The following IQSEC1 variants were observed in gnomAD, a reference collection of about 807,000 sequenced individuals.
IQSEC1 encodes IQ motif and Sec7 domain ArfGEF 1.
IQSEC1 carries 31 observed loss-of-function variants against 91.0 expected under a neutral mutation model. The observed-to-expected ratio is 0.34, with a 90% CI of 0.26 to 0.46. IQSEC1 has a LOEUF of 0.46. Among genes scored for constraint, IQSEC1 ranks in the 20% least tolerant of loss-of-function variants. IQSEC1 has a pLI of 1.00. For synonymous variants in IQSEC1, 699 were observed against 662.6 expected (o/e 1.05, Z -0.84); for missense variants, 1,388 against 1,575.6 (o/e 0.88, Z 2.02).
At chr3:12,971,079 G>C (rs1251528123) in intron 1 of IQSEC1, among the ~76,000 whole-genome samples, 2 of 152,220 alleles carry the variant, frequency 1.3e-5, no homozygotes, top group Non-Finnish European at 2.9e-5. Context: ...TCCATGCTAT[G>C]ATGATGAAGT....
chr3:12,900,790 A>G lies in IQSEC1; in HGVS notation c.*193T>C, dbSNP rs1273339836. The G allele has an allele frequency of 6.9e-7, 1 of 1,448,856 alleles. No homozygotes were observed. Among genetic ancestry groups the G allele is most frequent in the Non-Finnish European group, 9.0e-7 (1 of 1,105,870 alleles). The allele number at this position is 1,448,856 out of a possible 1,614,324, so 89.8% of individuals were successfully genotyped here. A position where few individuals can be genotyped will look rare whatever the true frequency, so the allele number is the denominator to read the frequency against. On this transcript the variant is annotated 3_prime_UTR_variant, in exon 14 of 14. Coordinates refer to ENST00000613206, the MANE Select transcript of IQSEC1 (RefSeq NM_001134382.3). The stretch of plus-strand genomic sequence containing the variant: ...GAGCAGAGCCCAGGGTGCCAACAAG[A>G]AATGAAATCTGGGCCTTTGTTCCAC...
chr3:13,278,814 C>G (rs529439884), intron 1 of IQSEC1, among the ~76,000 whole-genome samples: 1 of 139,936 alleles, frequency 7.1e-6, no homozygotes. Context: ...AGCAAGACTC[C>G]GTCTTGGTGA....
At chr3:13,164,623 A>G (rs1350062080) in intron 1 of IQSEC1, among the ~76,000 whole-genome samples, 1 of 152,230 alleles carries the variant, frequency 6.6e-6, no homozygotes, top group East Asian at 1.9e-4. Context: ...TCAGAAATCA[A>G]TTACAACCAT....
chr3:12,961,418 G>A (rs1053836504), intron 1 of IQSEC1, among the ~76,000 whole-genome samples: 7 of 152,218 alleles, frequency 4.6e-5, no homozygotes, highest in African/African-American at 1.4e-4. Context: ...CAGGCAAAGC[G>A]ATTTTCTTAA....
intron 2 of IQSEC1, among the ~76,000 whole-genome samples, chr3:13,079,114 A>G (rs1316361827): frequency 1.3e-5 from 2 of 152,204 alleles, no homozygotes; most frequent in Non-Finnish European, 2.9e-5. Flanking sequence ...GGTGCCAGAC[A>G]GGATAGGTGC....
At chr3:13,176,556 C>G (rs902476565) in intron 1 of IQSEC1, among the ~76,000 whole-genome samples, 13 of 152,206 alleles carry the variant, frequency 8.5e-5, no homozygotes, top group Non-Finnish European at 1.3e-4. Context: ...TCAGTTCCCC[C>G]TCCTGAAGCA....
chr3:13,100,837 G>T (rs750664828), intron 2 of IQSEC1, among the ~76,000 whole-genome samples: 3 of 148,954 alleles, frequency 2.0e-5, no homozygotes, highest in Non-Finnish European at 3.0e-5. Context: ...GGACCGACAG[G>T]AAACCCATAA....
rs191228370 is a variant in IQSEC1 at position 13,008,121 on chromosome 3, C to T, written c.23+64871G>A. Among the ~76,000 whole-genome samples the T allele has an allele frequency of 5.0e-3, 757 of 152,294 alleles. 6 individuals carry two copies. Among genetic ancestry groups the T allele is most frequent in the African/African-American group, 0.018 (735 of 41,558 alleles). On this transcript the variant is annotated intron_variant, in intron 1 of 13. Transcript: ENST00000613206. The surrounding 1 kb of genome is among the most constrained non-coding windows in gnomAD (Gnocchi z 4.1). The stretch of plus-strand genomic sequence containing the variant: ...TGAGTGTCTGTACCTGAAGATGAAA[C>T]GGGGTTACTTAGGTACTTCTTGGCA...
Position 12,964,299 on chromosome 3 carries a change from T to TACACACAC in IQSEC1, c.24-22442_24-22435dup, listed in dbSNP as rs3072719. Among the ~76,000 whole-genome samples, 283 of 149,676 alleles carry TACACACAC rather than the reference T, an allele frequency of 1.9e-3. 2 individuals carry two copies. The highest frequency in any genetic ancestry group is 2.7e-3 in the African/African-American group (111 of 40,660). ...CAACAGCATTTGAGCATACTCCCCCTACACACACACACACACACACACACA... is the reference window on the plus strand; with the variant it reads ...CAACAGCATTTGAGCATACTCCCCCTACACACACACACACACACACACACACACACACA... On this transcript the variant is annotated intron_variant, in intron 1 of 13. Transcript: ENST00000613206.
chr3:13,074,170 C>T (rs539372834), upstream of IQSEC1, among the ~76,000 whole-genome samples: 1 of 152,176 alleles, frequency 6.6e-6, no homozygotes, highest in Non-Finnish European at 1.5e-5. Context: ...GAGGCAGGGA[C>T]CCCAAGAGAG....
At chr3:12,929,762 CTCA>C (rs1426089158) in intron 3 of IQSEC1, among the ~76,000 whole-genome samples, 6 of 152,218 alleles carry the variant, frequency 3.9e-5, no homozygotes, top group Non-Finnish European at 8.8e-5. Context: ...CTGCAACATT[CTCA>C]TCATCTATAC....
upstream of IQSEC1, among the ~76,000 whole-genome samples, chr3:13,077,871 A>T (rs773444158): frequency 6.6e-6 from 1 of 152,214 alleles, no homozygotes; most frequent in Non-Finnish European, 1.5e-5. Flanking sequence ...AGTCCTTGAT[A>T]TGCTCCTGAA....
intron 1 of IQSEC1, among the ~76,000 whole-genome samples, chr3:12,974,366 G>GA (rs970947742): frequency 6.6e-6 from 1 of 152,238 alleles, no homozygotes; most frequent in African/African-American, 2.4e-5. Flanking sequence ...TTGTAAACGT[G>GA]AAAGAAGGTG....
intron 1 of IQSEC1, among the ~76,000 whole-genome samples, chr3:13,255,346 C>T (rs1181018910): frequency 6.6e-6 from 1 of 152,158 alleles, no homozygotes; most frequent in Non-Finnish European, 1.5e-5. Context: ...ACCTGAAGGG[C>T]CCTCTCCAAC....
At chr3:13,038,524 T>C (rs1044686745) in intron 1 of IQSEC1, among the ~76,000 whole-genome samples, 12 of 150,622 alleles carry the variant, frequency 8.0e-5, no homozygotes, top group Non-Finnish European at 1.8e-4. Context: ...GAGGGGGAGG[T>C]AGGTATGGTT....
At position 13,144,552 on chromosome 3, in the gene IQSEC1, C is replaced by T. The variant is rs114612489; in HGVS notation, c.302+19552G>A. Among the ~76,000 whole-genome samples, 1,182 of 152,328 alleles carry T rather than the reference C, an allele frequency of 7.8e-3. 25 individuals carry two copies. The highest frequency in any genetic ancestry group is 0.027 in the African/African-American group (1,123 of 41,576). ...GACAATCCCCATTCACAGGGGAAGCCCTGGGGACATCTCCTTCCTCTGGGC... is the reference window on the plus strand; with the variant it reads ...GACAATCCCCATTCACAGGGGAAGCTCTGGGGACATCTCCTTCCTCTGGGC... On this transcript the variant is annotated intron_variant, in intron 2 of 15. Transcript: ENST00000648114.
chr3:13,113,515 C>T (rs1706285568), intron 2 of IQSEC1, among the ~76,000 whole-genome samples: 1 of 152,196 alleles, frequency 6.6e-6, no homozygotes, highest in Admixed American at 6.5e-5. Flanking sequence ...CAGCAAGAAG[C>T]CTGCACCTGC....
chr3:13,065,986 G>A (rs1040871412), intron 1 of IQSEC1, among the ~76,000 whole-genome samples: 1 of 152,178 alleles, frequency 6.6e-6, no homozygotes, highest in Non-Finnish European at 1.5e-5. Context: ...GTCAGGAAAG[G>A]ACAAATGCTG....
Position 13,269,433 on chromosome 3 carries a change from A to G in IQSEC1, c.272+13278T>C, listed in dbSNP as rs1695556099. On this transcript the variant is annotated intron_variant, in intron 1 of 15. Transcript: ENST00000648114. ...AAAAATACAGCTTGGAGTGAGGGGG[A>G]TGCAGATGAGAACAGGCAAGCATTC... Among the ~76,000 whole-genome samples, 2 of 151,912 alleles carry G rather than the reference A, an allele frequency of 1.3e-5. 1 individual carries two copies. The highest frequency in any genetic ancestry group is 4.2e-4 in the South Asian group (2 of 4,794).
Sources: allele counts gnomAD v4.1 joint callset (sites outside exome capture counted in the v4.1 genomes callset), GRCh38; gene constraint gnomAD v4.1.1; non-coding constraint Gnocchi (gnomAD v3.1); transcripts MANE v1.5; gene names NCBI Gene and HGNC (gene_info 2026-07-23, HGNC 2026-07-21).